The following MCCC2 variants were observed in gnomAD, a reference collection of about 807,000 sequenced individuals.
MCCC2 encodes the protein methylcrotonyl-CoA carboxylase subunit 2, also known as methylcrotonoyl-CoA carboxylase beta chain, mitochondrial.
MCCC2 carries 52 observed loss-of-function variants against 77.2 expected under a neutral mutation model. The ratio of observed to expected loss-of-function variants is 0.67; its 90% CI spans 0.54 to 0.85. The LOEUF (loss-of-function observed/expected upper bound fraction) is 0.85. Among genes scored for constraint, MCCC2 ranks in the 40% least tolerant of loss-of-function variants. The probability of loss-of-function intolerance (pLI) is 0.00; values close to 1 mark genes in which losing one functional copy is unlikely to be tolerated. For missense variants in MCCC2, 682 were observed against 703.2 expected (o/e 0.97, Z 0.34); for synonymous variants, 253 against 248.4 (o/e 1.02, Z -0.18).
At chr5:71,590,748 C>T (rs938533388) in intron 1 of MCCC2, among the ~76,000 whole-genome samples, 30 of 150,730 alleles carry the variant, frequency 2.0e-4, no homozygotes, top group African/African-American at 6.8e-4. Flanking sequence ...ACCCGGGAGG[C>T]GGAGGTTGCA....
chr5:71,624,197 T>G (rs1207979080), intron 6 of MCCC2, among the ~76,000 whole-genome samples: 1 of 152,104 alleles, frequency 6.6e-6, no homozygotes, highest in Non-Finnish European at 1.5e-5. Flanking sequence ...ACCTCATGAC[T>G]TCATCCCACC....
chr5:71,596,429 T>C, intron 3 of MCCC2, 65 bp downstream of exon 3: 2 of 1,355,752 alleles, frequency 1.5e-6, no homozygotes, highest in Non-Finnish European at 2.1e-6. Flanking sequence ...TTAGACAGTC[T>C]TGTAAATCAG....
chr5:71,588,900 A>G (rs1744862897), intron 1 of MCCC2, among the ~76,000 whole-genome samples: 1 of 152,156 alleles, frequency 6.6e-6, no homozygotes, highest in African/African-American at 2.4e-5. Flanking sequence ...AGGATCTTCC[A>G]TGCAAAAGCC....
intron 6 of MCCC2, among the ~76,000 whole-genome samples, chr5:71,616,375 C>A (rs1746153649): frequency 6.6e-6 from 1 of 152,206 alleles, no homozygotes; most frequent in African/African-American, 2.4e-5. Context: ...TGAGGGCCAT[C>A]TTGTAGGACT....
At chr5:71,598,227 T>C (rs1022889926) in intron 3 of MCCC2, among the ~76,000 whole-genome samples, 8 of 149,568 alleles carry the variant, frequency 5.3e-5, no homozygotes, top group Non-Finnish European at 1.0e-4. Context: ...TGCACCACCA[T>C]GCCCAGCTAA....
chr5:71,588,228 C>T (rs963467919), intron 1 of MCCC2, among the ~76,000 whole-genome samples: 16 of 148,992 alleles, frequency 1.1e-4, no homozygotes, highest in Admixed American at 2.0e-4. Context: ...GAGATCGTGC[C>T]ATTGCACTCC....
At chr5:71,654,601 A>G (rs1418283477) in intron 16 of MCCC2, among the ~76,000 whole-genome samples, 1 of 152,106 alleles carries the variant, frequency 6.6e-6, no homozygotes, top group African/African-American at 2.4e-5. Flanking sequence ...ACACAGGGAC[A>G]GCTGAAATAT....
intron 6 of MCCC2, among the ~76,000 whole-genome samples, chr5:71,620,634 C>T (rs888747157): frequency 5.3e-5 from 8 of 152,128 alleles, no homozygotes; most frequent in Non-Finnish European, 5.9e-5. Flanking sequence ...TGCAAGGAGA[C>T]CCAGTCTCTA....
intron 10 of MCCC2, among the ~76,000 whole-genome samples, chr5:71,639,253 G>A (rs972335951): frequency 6.6e-6 from 1 of 152,104 alleles, no homozygotes; most frequent in African/African-American, 2.4e-5. Context: ...TCCACCAGAA[G>A]GCTGTTTCAT....
At chr5:71,651,766 G>C (rs1747445826) in intron 15 of MCCC2, among the ~76,000 whole-genome samples, 1 of 152,108 alleles carries the variant, frequency 6.6e-6, no homozygotes, top group Non-Finnish European at 1.5e-5. Flanking sequence ...GAGTGGTTGG[G>C]GTGTGGGTGT....
intron 3 of MCCC2, among the ~76,000 whole-genome samples, chr5:71,596,855 G>T (rs983891279): frequency 7.9e-5 from 12 of 151,988 alleles, no homozygotes; most frequent in African/African-American, 2.7e-4. Flanking sequence ...CAGGAGAGTC[G>T]CTCGAACCCC....
intron 6 of MCCC2, among the ~76,000 whole-genome samples, chr5:71,610,108 C>A (rs187813770): frequency 5.9e-5 from 9 of 152,378 alleles, no homozygotes; most frequent in Admixed American, 5.2e-4. Context: ...GTTCGAGCTT[C>A]CTGGCTGCTT....
rs1359547193 is a variant in MCCC2 at position 71,640,920 on chromosome 5, GA to G, written c.1000-81del. The G allele has an allele frequency of 3.6e-5, 43 of 1,208,626 alleles. No individual in the cohort carries two copies. In the African/African-American group the frequency reaches 6.3e-4, roughly 18 times the overall value. 74.9% of individuals were successfully genotyped at this position (1,208,626 alleles called of 1,614,324 possible). A position where few individuals can be genotyped will look rare whatever the true frequency, so the allele number is the denominator to read the frequency against. Reference sequence around the variant, plus strand: ...TTTGTGAAAGTGACAACTTCACTGTGAATTGTTTTCCTATAAGTAACTTTAA... The same window carrying G: ...TTTGTGAAAGTGACAACTTCACTGTGATTGTTTTCCTATAAGTAACTTTAA... On this transcript the variant is annotated intron_variant, in intron 10 of 16. Coordinates refer to ENST00000340941, the MANE Select transcript of MCCC2 (RefSeq NM_022132.5).
intron 15 of MCCC2, 122 bp from the exon 16 acceptor site, chr5:71,652,541 CATCACT>C: frequency 1.3e-6 from 1 of 761,224 alleles, no homozygotes; most frequent in South Asian, 1.5e-5. Flanking sequence ...GTAATTTATA[CATCACT>C]ATGCACATGT....
At position 71,656,990 on chromosome 5, in the gene MCCC2, A is replaced by G; in HGVS notation, c.*130A>G. 1.4e-6 allele frequency: 1 copy of G among 691,654 alleles called. No homozygotes were observed. The highest frequency in any genetic ancestry group is 2.6e-6 in the Non-Finnish European group (1 of 390,464). The allele number at this position is 691,654 out of a possible 1,614,324, so 42.8% of individuals were successfully genotyped here. A position where few individuals can be genotyped will look rare whatever the true frequency, so the allele number is the denominator to read the frequency against. On this transcript the variant is annotated 3_prime_UTR_variant, in exon 17 of 17. Transcript: ENST00000340941. Reference sequence around the variant, plus strand: ...TTAACACTGTGCATTGTACTTTTCTACCTTAAAAAAATCAGTGAGGATATT... The same window carrying G: ...TTAACACTGTGCATTGTACTTTTCTGCCTTAAAAAAATCAGTGAGGATATT...
intron 10 of MCCC2, among the ~76,000 whole-genome samples, chr5:71,637,416 CTG>C (rs1388431418): frequency 3.9e-5 from 6 of 152,230 alleles, no homozygotes; most frequent in Non-Finnish European, 7.3e-5. Context: ...ATATTGTAGT[CTG>C]TTCAGTGTGC....
chr5:71,645,458 T>G lies in MCCC2; in HGVS notation c.1150-753T>G, dbSNP rs546811210. Reference sequence around the variant, plus strand: ...ATTAAATAATTTCCTAAACTCAAGGTTAGAAGATTTCTATCACTCATCTAA... The same window carrying G: ...ATTAAATAATTTCCTAAACTCAAGGGTAGAAGATTTCTATCACTCATCTAA... On this transcript the variant is annotated intron_variant, in intron 12 of 16. Transcript: ENST00000340941. Among the ~76,000 whole-genome samples the G allele has an allele frequency of 2.0e-5, 3 of 152,338 alleles. No individual in the cohort carries two copies. In the East Asian group the frequency reaches 5.8e-4, roughly 29 times the overall value.
chr5:71,643,703 C>G, intron 11 of MCCC2, 116 bp from the exon 12 acceptor site: 2 of 1,601,142 alleles, frequency 1.2e-6, no homozygotes, highest in Admixed American at 3.4e-5. Context: ...GACAAAATCT[C>G]TTTGCATTTT....
At chr5:71,613,441 T>A (rs1746040491) in intron 6 of MCCC2, among the ~76,000 whole-genome samples, 1 of 152,266 alleles carries the variant, frequency 6.6e-6, no homozygotes, top group African/African-American at 2.4e-5. Flanking sequence ...AAACTCAAAA[T>A]GTCTGAAGGG....
Sources: gnomAD v4.1 joint callset for allele counts (sites outside exome capture counted in the v4.1 genomes callset) on GRCh38, gnomAD v4.1.1 for gene constraint, MANE v1.5 for transcripts, NCBI Gene and HGNC (gene_info 2026-07-23, HGNC 2026-07-21) for gene names.